DUSP15: variants seen among roughly 807,000 people sequenced by gnomAD.
DUSP15 encodes the protein dual specificity phosphatase 15.
A neutral mutation model predicts 26.3 loss-of-function variants in DUSP15; 23 were observed. The ratio of observed to expected loss-of-function variants is 0.87; its 90% CI spans 0.63 to 1.24. The LOEUF (loss-of-function observed/expected upper bound fraction) is 1.24. Ranked by LOEUF, DUSP15 falls within the 50% of genes most tolerant of loss-of-function variation. The pLI, the probability that DUSP15 is intolerant of heterozygous loss-of-function variation, is 0.00. For synonymous variants in DUSP15, 143 were observed against 135.5 expected (o/e 1.06, Z -0.39); for missense variants, 364 against 320.6 (o/e 1.14, Z -1.03).
chr20:31,863,822 A>T (rs540649624), intron 5 of DUSP15, 85 bp downstream of exon 5: 1 of 1,388,282 alleles, frequency 7.2e-7, no homozygotes, highest in Non-Finnish European at 1.0e-6. Context: ...CACAGGTCCA[A>T]CCTTCCCACA....
intron 5 of DUSP15, 23 bp from the exon 6 acceptor site, chr20:31,862,765 A>T (rs1390002796): frequency 6.4e-7 from 1 of 1,574,058 alleles, no homozygotes; most frequent in Non-Finnish European, 8.7e-7. Context: ...ACAACCCCTC[A>T]GGCTTCAAGT....
chr20:31,868,472 TTC>T (rs1251261317), intron 2 of DUSP15, among the ~76,000 whole-genome samples: 1 of 142,418 alleles, frequency 7.0e-6, no homozygotes, highest in Non-Finnish European at 1.5e-5. Context: ...TCTTTTTTCT[TTC>T]TCTTTTTTTT....
chr20:31,846,999 C>T (rs532975267), downstream of DUSP15, among the ~76,000 whole-genome samples: 11 of 152,182 alleles, frequency 7.2e-5, no homozygotes, highest in African/African-American at 9.6e-5. Flanking sequence ...AGCCTGGGGT[C>T]GGGAGGTCCA....
chr20:31,856,242 G>A (rs906956743), downstream of DUSP15, among the ~76,000 whole-genome samples: 1 of 152,164 alleles, frequency 6.6e-6, no homozygotes, highest in Non-Finnish European at 1.5e-5. Context: ...AGAAATGAAA[G>A]GAGCTACAGT....
At chr20:31,848,353 G>A (rs6121247) in exon 10 of DUSP15, 1 of 1,573,844 alleles carries the variant, frequency 6.4e-7, no homozygotes, top group South Asian at 1.2e-5. Context: ...TATGGGCTTA[G>A]TGTGGGCAGG....
At chr20:31,863,075 TGGG>T (rs11467419) in intron 5 of DUSP15, among the ~76,000 whole-genome samples, 20,645 of 148,820 alleles carry the variant, frequency 0.14, 1,623 homozygotes, top group Middle Eastern at 0.25. Flanking sequence ...ACAGTATGGC[TGGG>T]GGGGGGGGAC....
intron 2 of DUSP15, among the ~76,000 whole-genome samples, chr20:31,867,891 C>T (rs369695798): frequency 3.9e-5 from 6 of 151,986 alleles, no homozygotes; most frequent in East Asian, 1.9e-4. Flanking sequence ...GTGATCCGCC[C>T]GCCTTGGCCT....
At chr20:31,865,932 C>T (rs913446333) in intron 3 of DUSP15, among the ~76,000 whole-genome samples, 1 of 152,204 alleles carries the variant, frequency 6.6e-6, no homozygotes, top group Non-Finnish European at 1.5e-5. Flanking sequence ...AGTAAATACA[C>T]TCATGACTTG....
At chr20:31,850,214 A>G (rs1439199745) in intron 7 of DUSP15, among the ~76,000 whole-genome samples, 4 of 152,216 alleles carry the variant, frequency 2.6e-5, no homozygotes, top group Admixed American at 2.6e-4. Context: ...TAACAGCGAC[A>G]ATAACAACAA....
downstream of DUSP15, among the ~76,000 whole-genome samples, chr20:31,859,444 T>C (rs1349204150): frequency 6.6e-6 from 1 of 152,142 alleles, no homozygotes; most frequent in Non-Finnish European, 1.5e-5. Flanking sequence ...CCCTGCACCT[T>C]TGCACAGCAC....
At chr20:31,846,467 A>AGAGAGAGAGAGAGAGAG (rs1187447286), downstream of DUSP15, among the ~76,000 whole-genome samples, 1 of 81,206 alleles carries the variant, frequency 1.2e-5, no homozygotes, top group African/African-American at 7.8e-5. Context: ...AGAGAGAGAG[A>AGAGAGAGAGAGAGAGAG]GAGAGAGAGG....
downstream of DUSP15, among the ~76,000 whole-genome samples, chr20:31,846,827 C>T (rs1316102035): frequency 6.6e-6 from 1 of 152,202 alleles, no homozygotes; most frequent in African/African-American, 2.4e-5. Flanking sequence ...GTTTCCCCAT[C>T]TCTAACATGG....
chr20:31,855,477 G>T (rs530378033), intron 6 of DUSP15, among the ~76,000 whole-genome samples: 13 of 152,290 alleles, frequency 8.5e-5, no homozygotes, highest in South Asian at 2.1e-4. Flanking sequence ...GCTGAAGCTA[G>T]ATCATGAATG....
chr20:31,856,810 G>A (rs1279892392), downstream of DUSP15, among the ~76,000 whole-genome samples: 3 of 152,038 alleles, frequency 2.0e-5, no homozygotes, highest in African/African-American at 7.3e-5. Context: ...GAGGAAGTAG[G>A]TTCAGAAGTG....
intron 2 of DUSP15, among the ~76,000 whole-genome samples, chr20:31,868,328 A>G (rs1469878483): frequency 1.3e-5 from 2 of 152,106 alleles, no homozygotes; most frequent in African/African-American, 4.8e-5. Flanking sequence ...GAAGGAAGGG[A>G]CCAGGATTTA....
chr20:31,863,293 T>A (rs1020254060), intron 5 of DUSP15, among the ~76,000 whole-genome samples: 1 of 152,088 alleles, frequency 6.6e-6, no homozygotes, highest in Non-Finnish European at 1.5e-5. Flanking sequence ...ACAAAGACCA[T>A]GAGGCATAAG....
downstream of DUSP15, among the ~76,000 whole-genome samples, chr20:31,846,480 A>G (rs1384510888): frequency 6.8e-6 from 1 of 146,490 alleles, no homozygotes; most frequent in Non-Finnish European, 1.5e-5. Context: ...GAGAGAGGAG[A>G]GAGAGGCAGG....
At chr20:31,848,389 T>C (rs778137707) in exon 10 of DUSP15, 1 of 1,608,166 alleles carries the variant, frequency 6.2e-7, no homozygotes. Flanking sequence ...GGAGCCCCCC[T>C]GTTGGGGGCT....
intron 2 of DUSP15, among the ~76,000 whole-genome samples, chr20:31,868,073 C>T (rs767317461): frequency 6.6e-6 from 1 of 152,194 alleles, no homozygotes; most frequent in Non-Finnish European, 1.5e-5. Flanking sequence ...GGCTGCATAC[C>T]CAGCATATGC....
Sources: allele counts gnomAD v4.1 joint callset (sites outside exome capture counted in the v4.1 genomes callset), GRCh38; gene constraint gnomAD v4.1.1; transcripts MANE v1.5; gene names NCBI Gene and HGNC (gene_info 2026-07-23, HGNC 2026-07-21).